ZPBP2: variants seen among roughly 807,000 people sequenced by gnomAD.
The protein encoded by ZPBP2 is zona pellucida-binding protein 2.
Under a neutral mutation model 37.5 loss-of-function variants are expected in ZPBP2, and 34 were observed. The ratio of observed to expected loss-of-function variants is 0.91; its 90% CI spans 0.69 to 1.21. ZPBP2 has a LOEUF of 1.21. Ranked by LOEUF, ZPBP2 falls within the 50% of genes most tolerant of loss-of-function variation. The pLI is 0.00. For missense variants in ZPBP2, 397 were observed against 413.5 expected, an observed-to-expected ratio of 0.96 and a Z score of 0.35; for synonymous variants, 143 against 138.4, an observed-to-expected ratio of 1.03 and a Z score of -0.23.
intron 7 of ZPBP2, 80 bp downstream of exon 7, chr17:39,875,514 A>G: frequency 9.4e-7 from 1 of 1,058,878 alleles, no homozygotes; most frequent in Non-Finnish European, 1.3e-6. Flanking sequence ...GGCATAACTG[A>G]ATAGAATCTT....
In ZPBP2 at chr17:39,872,479, G is replaced by T. The variant is rs1377243312; in HGVS notation, c.616G>T (p.Ala206Ser). The T allele has an allele frequency of 1.3e-6, 2 of 1,586,444 alleles. No homozygotes were observed. Among genetic ancestry groups the T allele is most frequent in the South Asian group, 1.2e-5 (1 of 85,758 alleles). The change falls in exon 5 of 8, where the codon GCA becomes TCA. Residue 206 changes from alanine (A) to serine (S), a missense_variant. Physicochemically the swap from Ala to Ser is moderately conservative, Grantham distance 99. Coordinates refer to ENST00000348931, the MANE Select transcript of ZPBP2 (RefSeq NM_199321.3). ...EHGLIHELFI[A>S]FQVNPFAPGW... ...TGGCCTCATACATGAGCTATTTATAGCATTTCAAGGTAAAATTTTTAAAAT... is the reference window on the plus strand; with the variant it reads ...TGGCCTCATACATGAGCTATTTATATCATTTCAAGGTAAAATTTTTAAAAT...
chr17:39,868,376 C>T lies in ZPBP2; in HGVS notation c.22C>T (p.Leu8Phe). Residue 8 changes from leucine (L) to phenylalanine (F), a missense_variant, in exon 1 of 8, where the codon CTC becomes TTC. Coordinates refer to ENST00000348931, the MANE Select transcript of ZPBP2 (RefSeq NM_199321.3). MMRTCVL[L>F]SAVLWCLTGV... ...AGCGATGATGCGAACGTGCGTCCTA[C>T]TCTCCGCGGTGCTCTGGTGCCTCAC... 6.2e-7 allele frequency: 1 copy of T among 1,610,256 alleles called. No homozygotes were observed. Among genetic ancestry groups the T allele is most frequent in the Non-Finnish European group, 8.5e-7 (1 of 1,179,974 alleles).
At chr17:39,871,678 G>A in intron 4 of ZPBP2, 53 bp downstream of exon 4, 3 of 1,373,124 alleles carry the variant, frequency 2.2e-6, no homozygotes, top group Non-Finnish European at 1.9e-6. Context: ...TCGTAATTAA[G>A]TGTATGGTTT....
chr17:39,872,662 T>C (rs562883404), intron 5 of ZPBP2, among the ~76,000 whole-genome samples, 174 bp downstream of exon 5: 7 of 152,180 alleles, frequency 4.6e-5, no homozygotes, highest in African/African-American at 1.7e-4. Flanking sequence ...AACACACTAA[T>C]TAATTACTTT....
chr17:39,875,261 A>G lies in ZPBP2; in HGVS notation c.716A>G (p.Asp239Gly). Reference protein sequence around the residue: ...TTNHNILQARDRIEDFFRSQA... With the variant: ...TTNHNILQARGRIEDFFRSQA... ...GGTATTTTTCAACCTTAGGCAAGAG[A>G]TCGAATAGAAGACTTTTTTCGGAGC... is the stretch of plus-strand genomic sequence containing the variant. The change falls in exon 7 of 8, where the codon GAT (aspartate) becomes GGT (glycine). Residue 239 changes from aspartate to glycine, a missense_variant. Transcript: ENST00000348931. 1.2e-6 allele frequency: 2 copies of G among 1,608,146 alleles called. No homozygotes were observed. Among genetic ancestry groups the G allele is most frequent in the Non-Finnish European group, 1.7e-6 (2 of 1,177,864 alleles).
Position 39,868,383 on chromosome 17 carries a change from C to T in ZPBP2, c.29C>T (p.Ala10Val), listed in dbSNP as rs1221617751. Reference sequence around the variant, plus strand: ...ATGCGAACGTGCGTCCTACTCTCCGCGGTGCTCTGGTGCCTCACAGGAGGT... The same window carrying T: ...ATGCGAACGTGCGTCCTACTCTCCGTGGTGCTCTGGTGCCTCACAGGAGGT... MMRTCVLLS[A>V]VLWCLTGVQC... The change falls in exon 1 of 8, where the codon GCG becomes GTG. Residue 10 changes from alanine (A) to valine (V), a missense_variant. Transcript: ENST00000348931. 1.2e-6 allele frequency: 2 copies of T among 1,610,414 alleles called. No individual in the cohort carries two copies. Among genetic ancestry groups the T allele is most frequent in the Middle Eastern group, 1.7e-4 (1 of 6,034 alleles).
rs2063365507 is a variant in ZPBP2, at chr17:39,871,712, G to A, written c.406+87G>A. 5 of 1,129,850 alleles carry A rather than the reference G, an allele frequency of 4.4e-6. No individual in the cohort carries two copies. The South Asian group carries it at 6.3e-5, about 14-fold the overall frequency. 70.0% of individuals were successfully genotyped at this position (1,129,850 alleles called of 1,614,324 possible). ...TTCTTCATTTAATGAAAATGAGTCT[G>A]TAATAGGTGACTGTCACCAATTATG... On this transcript the variant is annotated intron_variant, in intron 4 of 7. Transcript: ENST00000348931.
chr17:39,870,155 T>C (rs2063357301), intron 2 of ZPBP2, among the ~76,000 whole-genome samples: 5 of 152,190 alleles, frequency 3.3e-5, no homozygotes, highest in Admixed American at 3.3e-4. Flanking sequence ...GCAAGTCTCC[T>C]CCCTCAGCCT....
Position 39,868,330 on chromosome 17 carries a change from C to A in ZPBP2, c.-25C>A. ...TAGGAGGGAGTCTGTCCCTCGACGC[C>A]TCCTGCGACGCCAGCCCCTGAGCGA... is the stretch of plus-strand genomic sequence containing the variant. On this transcript the variant is annotated 5_prime_UTR_variant, in exon 1 of 8. Transcript: ENST00000348931. 4 of 1,605,968 alleles carry A rather than the reference C, an allele frequency of 2.5e-6. No homozygotes were observed. Among genetic ancestry groups the A allele is most frequent in the Non-Finnish European group, 3.4e-6 (4 of 1,179,614 alleles).
At position 39,875,348 on chromosome 17, in the gene ZPBP2, A is replaced by AC; in HGVS notation, c.804dup (p.Ser269GlnfsTer9). On this transcript the variant is annotated frameshift_variant, in exon 7 of 8. Coordinates refer to ENST00000348931, the MANE Select transcript of ZPBP2 (RefSeq NM_199321.3). LOFTEE classifies it high-confidence loss of function. The stretch of plus-strand genomic sequence containing the variant: ...CTACCAGCAATGCATTTTGTGGACC[A>AC]CAGTTTGCAAGTAGTACGTCTGGAT... 6.2e-7 allele frequency: 1 copy of AC among 1,614,156 alleles called. No homozygotes were observed. Among genetic ancestry groups the AC allele is most frequent in the Non-Finnish European group, 8.5e-7 (1 of 1,180,002 alleles).
At chr17:39,869,401 CCTT>C (rs2063351129) in intron 2 of ZPBP2, among the ~76,000 whole-genome samples, 5 of 145,090 alleles carry the variant, frequency 3.4e-5, no homozygotes, top group Admixed American at 1.4e-4. Flanking sequence ...TTCCTTCCTT[CCTT>C]CTTTTTTTTT....
At chr17:39,868,438 C>G in intron 1 of ZPBP2, 32 bp downstream of exon 1, 2 of 1,611,702 alleles carry the variant, frequency 1.2e-6, no homozygotes, top group South Asian at 2.2e-5. Context: ...CCCCAGGCCT[C>G]TCCCTCTGCC....
Position 39,868,246 on chromosome 17 carries a change from C to T in ZPBP2, c.-109C>T. 2 of 1,299,914 alleles carry T rather than the reference C, an allele frequency of 1.5e-6. No homozygotes were observed. The highest frequency in any genetic ancestry group is 2.1e-6 in the Non-Finnish European group (2 of 946,242). The allele number at this position is 1,299,914 out of a possible 1,614,324, so 80.5% of individuals were successfully genotyped here. A position where few individuals can be genotyped will look rare whatever the true frequency, so the allele number is the denominator to read the frequency against. On this transcript the variant is annotated 5_prime_UTR_variant, in exon 1 of 8. Coordinates refer to ENST00000348931, the MANE Select transcript of ZPBP2 (RefSeq NM_199321.3). ...TGCGACGGACGGGTAGGGGAGGCGA[C>T]CCCGGCGTTCTGCTCCGCACTGTGG...
In ZPBP2 at chr17:39,868,530, T is replaced by C. The variant is rs752374239; in HGVS notation, c.53-19T>C. 3 of 1,614,082 alleles carry C rather than the reference T, an allele frequency of 1.9e-6. No homozygotes were observed. The highest frequency in any genetic ancestry group is 1.7e-6 in the Non-Finnish European group (2 of 1,179,988). ...TGCTCCTCTTCTAACTAAAAGTCAG[T>C]GTTTTATTTCCTCCGCAGTCCAATG... On this transcript the variant is annotated intron_variant, in intron 1 of 7. Transcript: ENST00000348931.
At chr17:39,874,649 T>A (rs1056359581) in intron 6 of ZPBP2, among the ~76,000 whole-genome samples, 5 of 151,734 alleles carry the variant, frequency 3.3e-5, no homozygotes, top group African/African-American at 1.2e-4. Context: ...GCCAGGCTAG[T>A]CTCGAACTCG....
Position 39,872,401 on chromosome 17 carries a change from TGCCATGTCATAGA to T in ZPBP2, c.544_556del (p.Val182HisfsTer20). ...GGATAGTCTAATTTCTGATTTGTCA[TGCCATGTCATAGA>T]GCCATCATATAAATGCCATTCTGTT... On this transcript the variant is annotated frameshift_variant, in exon 5 of 8. Transcript: ENST00000348931. LOFTEE classifies it high-confidence loss of function. 6.2e-7 allele frequency: 1 copy of T among 1,613,596 alleles called. No homozygotes were observed. The highest frequency in any genetic ancestry group is 8.5e-7 in the Non-Finnish European group (1 of 1,179,802).
chr17:39,869,405 CTTTTTTT>C (rs1555647285), intron 2 of ZPBP2, among the ~76,000 whole-genome samples: 3 of 115,136 alleles, frequency 2.6e-5, no homozygotes, highest in Non-Finnish European at 3.6e-5. Flanking sequence ...TTCCTTCCTT[CTTTTTTT>C]TTTTTTTTTT....
rs1248805573 is a variant in ZPBP2, at chr17:39,875,340, T to C, written c.795T>C (p.Phe265=). The C allele has an allele frequency of 6.2e-7, 1 of 1,614,046 alleles. No individual in the cohort carries two copies. Among genetic ancestry groups the C allele is most frequent in the Non-Finnish European group, 8.5e-7 (1 of 1,180,026 alleles). The change falls in exon 7 of 8, where the codon TTT becomes TTC. Residue 265 remains phenylalanine, a synonymous_variant. Transcript: ENST00000348931. ...NFNKTLPAMH[F]VDHSLQVVRL... The stretch of plus-strand genomic sequence containing the variant: ...ATAAAACTCTACCAGCAATGCATTT[T>C]GTGGACCACAGTTTGCAAGTAGTAC...
intron 2 of ZPBP2, among the ~76,000 whole-genome samples, chr17:39,869,405 CTTTT>C (rs1555647285): frequency 1.1e-4 from 13 of 115,124 alleles, no homozygotes; most frequent in African/African-American, 3.6e-4. Flanking sequence ...TTCCTTCCTT[CTTTT>C]TTTTTTTTTT....
Sources: allele counts gnomAD v4.1 joint callset (sites outside exome capture counted in the v4.1 genomes callset), GRCh38; gene constraint gnomAD v4.1.1; transcripts MANE v1.5; gene names NCBI Gene and HGNC (gene_info 2026-07-23, HGNC 2026-07-21).